Variants in MLLT10 observed in about 807,000 individuals in gnomAD.
MLLT10 encodes the protein protein AF-10.
Under a neutral mutation model 129.1 loss-of-function variants are expected in MLLT10, and 30 were observed. The ratio of observed to expected loss-of-function variants is 0.23; its 90% confidence interval spans 0.17 to 0.32. The LOEUF (loss-of-function observed/expected upper bound fraction) is 0.32, where lower values mean the gene tolerates loss of function less well. Among genes scored for constraint, MLLT10 ranks in the 10% least tolerant of loss-of-function variants. The pLI, the probability that MLLT10 is intolerant of heterozygous loss-of-function variation, is 1.00. For synonymous variants in MLLT10, 490 were observed against 446.4 expected (o/e 1.10, Z -1.23); for missense variants, 1,119 against 1,268.3 (o/e 0.88, Z 1.79).
Position 21,743,341 on chromosome 10 carries a change from A to G in MLLT10, c.*1358A>G, listed in dbSNP as rs1271299706. 1 of 217,666 alleles carries G rather than the reference A, an allele frequency of 4.6e-6. No homozygotes were observed. Among genetic ancestry groups the G allele is most frequent in the African/African-American group, 2.2e-5 (1 of 44,502 alleles). The allele number at this position is 217,666 out of a possible 1,614,324, so 13.5% of individuals were successfully genotyped here. On this transcript the variant is annotated 3_prime_UTR_variant, in exon 23 of 23. Coordinates refer to ENST00000307729, the MANE Select transcript of MLLT10 (RefSeq NM_001195626.3). ...CTGTTTTGTATTGTGACAAATTCAT[A>G]AGATAACATTGATATTTTGATTTGT... is the stretch of plus-strand genomic sequence containing the variant.
intron 13 of MLLT10, among the ~76,000 whole-genome samples, chr10:21,711,956 T>C (rs1315954698): frequency 2.0e-5 from 3 of 152,214 alleles, no homozygotes; most frequent in Non-Finnish European, 4.4e-5. Context: ...AGGCAAAGAC[T>C]ACCTATCTTG....
At chr10:21,689,295 A>G (rs553241093) in intron 13 of MLLT10, among the ~76,000 whole-genome samples, 2 of 152,080 alleles carry the variant, frequency 1.3e-5, no homozygotes, top group East Asian at 3.9e-4. Flanking sequence ...AGAGAAATAC[A>G]TATATGTAAT....
At chr10:21,595,465 T>C in intron 5 of MLLT10, 25 bp downstream of exon 5, 1 of 1,541,512 alleles carries the variant, frequency 6.5e-7, no homozygotes, top group Non-Finnish European at 8.9e-7. Flanking sequence ...ATTTTATTAC[T>C]GTTTGAATAT....
chr10:21,592,001 G>A (rs182471213), intron 4 of MLLT10, among the ~76,000 whole-genome samples: 220 of 152,262 alleles, frequency 1.4e-3, no homozygotes, highest in African/African-American at 4.8e-3. Flanking sequence ...GATTACAGGC[G>A]TGAGCCACTG....
At chr10:21,676,105 C>T (rs903320102) in intron 11 of MLLT10, among the ~76,000 whole-genome samples, 2 of 152,040 alleles carry the variant, frequency 1.3e-5, no homozygotes, top group Non-Finnish European at 2.9e-5. Context: ...ATTTATCTGC[C>T]AATAAATTTT....
chr10:21,673,318 CTTTTTTTTTTT>C, intron 10 of MLLT10, 21 bp from the exon 11 acceptor site: 1 of 307,342 alleles, frequency 3.3e-6, no homozygotes, highest in Non-Finnish European at 5.0e-6. Context: ...CACCCCCCAA[CTTTTTTTTTTT>C]TTTTTTTTTT....
chr10:21,631,313 C>CAA (rs991306894), intron 8 of MLLT10, among the ~76,000 whole-genome samples: 613 of 46,662 alleles, frequency 0.013, 8 homozygotes, highest in African/African-American at 0.026. Context: ...GACTCCGTCT[C>CAA]AAAAAAAAAA....
intron 9 of MLLT10, among the ~76,000 whole-genome samples, chr10:21,652,428 T>A (rs1589441288): frequency 6.6e-6 from 1 of 152,188 alleles, no homozygotes; most frequent in East Asian, 1.9e-4. Flanking sequence ...TTATATCATT[T>A]GTAAAGTGGG....
At chr10:21,623,465 A>G (rs1192256732) in intron 8 of MLLT10, among the ~76,000 whole-genome samples, 1 of 152,210 alleles carries the variant, frequency 6.6e-6, no homozygotes, top group African/African-American at 2.4e-5. Context: ...AAATGCTCTT[A>G]TCACCCCATC....
At chr10:21,564,645 C>T (rs1271322506) in intron 3 of MLLT10, 1 of 151,286 alleles carries the variant, frequency 6.6e-6, no homozygotes, top group Non-Finnish European at 1.5e-5. Context: ...GAGACAGAGT[C>T]TCCCCATCTC....
At chr10:21,661,051 T>C (rs2050149849) in intron 9 of MLLT10, among the ~76,000 whole-genome samples, 1 of 152,224 alleles carries the variant, frequency 6.6e-6, no homozygotes, top group South Asian at 2.1e-4. Context: ...CTTTTACTTA[T>C]ATGTTGTTTA....
chr10:21,700,461 T>A (rs1462079144), intron 13 of MLLT10, among the ~76,000 whole-genome samples: 1 of 152,148 alleles, frequency 6.6e-6, no homozygotes, highest in Non-Finnish European at 1.5e-5. Flanking sequence ...GAGGAAAAAT[T>A]TTAGCTTTTT....
At chr10:21,597,351 A>T (rs2131139289) in intron 5 of MLLT10, among the ~76,000 whole-genome samples, 1 of 152,034 alleles carries the variant, frequency 6.6e-6, no homozygotes, top group Admixed American at 6.5e-5. Flanking sequence ...CTGCATTTTG[A>T]CTCTTTGGTC....
chr10:21,541,567 G>A (rs1588790920), intron 3 of MLLT10, among the ~76,000 whole-genome samples: 1 of 152,108 alleles, frequency 6.6e-6, no homozygotes, highest in Non-Finnish European at 1.5e-5. Context: ...TGTACTTTTA[G>A]TAGAGATGGG....
chr10:21,658,121 T>A (rs1408381076), intron 9 of MLLT10, among the ~76,000 whole-genome samples: 1 of 152,210 alleles, frequency 6.6e-6, no homozygotes, highest in Non-Finnish European at 1.5e-5. Flanking sequence ...AGAAGTCTAA[T>A]ATATCATAAA....
At chr10:21,594,404 C>A (rs1433148191) in intron 4 of MLLT10, among the ~76,000 whole-genome samples, 1 of 151,778 alleles carries the variant, frequency 6.6e-6, no homozygotes, top group Non-Finnish European at 1.5e-5. Flanking sequence ...ACAAAATTAG[C>A]CGGGTGTGGT....
In MLLT10 at chr10:21,713,944, A is replaced by G. The variant is rs1463959943; in HGVS notation, c.1872A>G (p.Thr624=). ...AVSSAAPAVA[T]TQANTLSGSS... is the part of the protein sequence containing the mutation. ...CATCTGCAGCCCCTGCTGTTGCTAC[A>G]ACTCAGGTAAGTTGTTACACTATCA... The change falls in exon 14 of 23, where the codon ACA becomes ACG. Residue 624 remains threonine, a synonymous_variant. Coordinates refer to ENST00000307729, the MANE Select transcript of MLLT10 (RefSeq NM_001195626.3). The G allele has an allele frequency of 4.3e-6, 7 of 1,610,222 alleles. No homozygotes were observed. The highest frequency in any genetic ancestry group is 4.2e-6 in the Non-Finnish European group (5 of 1,178,314).
At chr10:21,605,246 T>A (rs2131167938) in intron 5 of MLLT10, among the ~76,000 whole-genome samples, 1 of 152,288 alleles carries the variant, frequency 6.6e-6, no homozygotes, top group African/African-American at 2.4e-5. Flanking sequence ...TTGTTTAGTC[T>A]CATGATGGCG....
chr10:21,537,028 T>C (rs1359755536), intron 2 of MLLT10, among the ~76,000 whole-genome samples: 1 of 152,096 alleles, frequency 6.6e-6, no homozygotes, highest in Non-Finnish European at 1.5e-5. Flanking sequence ...CCCAGGGTGA[T>C]CTGCCTGCCT....
Sources: allele counts gnomAD v4.1 joint callset (sites outside exome capture counted in the v4.1 genomes callset), GRCh38; gene constraint gnomAD v4.1.1; transcripts MANE v1.5; gene names NCBI Gene and HGNC (gene_info 2026-07-23, HGNC 2026-07-21).